DHRSX: variants seen among roughly 807,000 people sequenced by gnomAD.
DHRSX encodes polyprenol dehydrogenase.
DHRSX carries 31 observed loss-of-function variants against 34.0 expected under a neutral mutation model. The observed-to-expected ratio is 0.91, with a 90% CI of 0.69 to 1.23. The LOEUF (loss-of-function observed/expected upper bound fraction) is 1.23. Ranked by LOEUF, DHRSX falls within the 50% of genes most tolerant of loss-of-function variation. The pLI is 0.00. For missense variants in DHRSX, 414 were observed against 428.1 expected (o/e 0.97, Z 0.29); for synonymous variants, 201 against 183.8 (o/e 1.09, Z -0.76).
In DHRSX at chrX:2,220,040, G is replaced by C. The variant is rs1569475269; in HGVS notation, c.*1001C>G. Reference sequence around the variant, plus strand: ...CCAATTTGTTGGAGCCTTAAAACAAGAAAGATTTATTCTCTCTCCGTTCTG... The same window carrying C: ...CCAATTTGTTGGAGCCTTAAAACAACAAAGATTTATTCTCTCTCCGTTCTG... On this transcript the variant is annotated 3_prime_UTR_variant, in exon 7 of 7. Coordinates refer to ENST00000334651, the MANE Select transcript of DHRSX (RefSeq NM_145177.3). 1 of 152,120 alleles carries C rather than the reference G, an allele frequency of 6.6e-6. No individual in the cohort carries two copies. The highest frequency in any genetic ancestry group is 1.5e-5 in the Non-Finnish European group (1 of 68,028). The allele number at this position is 152,120 out of a possible 1,614,324, so 9.4% of individuals were successfully genotyped here.
chrX:2,358,589 G>C (rs1440801838), intron 3 of DHRSX, among the ~76,000 whole-genome samples: 3 of 151,998 alleles, frequency 2.0e-5, no homozygotes, highest in African/African-American at 7.2e-5. Flanking sequence ...CTTGATATGT[G>C]GGAGGCATAT....
intron 3 of DHRSX, among the ~76,000 whole-genome samples, chrX:2,355,446 A>AGGTTG (rs891802042): frequency 2.3e-4 from 32 of 141,146 alleles, no homozygotes; most frequent in Non-Finnish European, 4.7e-4. Context: ...TGGGACGCAA[A>AGGTTG]GGTTGCAGTG....
chrX:2,294,183 GAA>G (rs1258093153), intron 3 of DHRSX, among the ~76,000 whole-genome samples: 1 of 151,964 alleles, frequency 6.6e-6, no homozygotes, highest in African/African-American at 2.4e-5. Flanking sequence ...GTGAGAGAGA[GAA>G]ACAGAAAGAG....
chrX:2,357,652 G>A (rs1313374927), intron 3 of DHRSX, among the ~76,000 whole-genome samples: 4 of 148,096 alleles, frequency 2.7e-5, no homozygotes, highest in East Asian at 4.0e-4. Context: ...CCCTAGACCC[G>A]ATATGGGAAA....
At chrX:2,452,371 G>T (rs907356261) in intron 1 of DHRSX, among the ~76,000 whole-genome samples, 1 of 149,976 alleles carries the variant, frequency 6.7e-6, no homozygotes, top group Non-Finnish European at 1.5e-5. Context: ...TCAAGGGACC[G>T]CACTGAAGAT....
At chrX:2,265,119 C>T (rs1359600006) in intron 5 of DHRSX, among the ~76,000 whole-genome samples, 22 of 124,340 alleles carry the variant, frequency 1.8e-4, no homozygotes, top group East Asian at 5.2e-4. Flanking sequence ...AGCACCAGTG[C>T]TCAGCAGACG....
Position 2,333,443 on chromosome X carries a change from G to T in DHRSX, c.287-41840C>A, listed in dbSNP as rs578168456. On this transcript the variant is annotated intron_variant, in intron 3 of 6. Transcript: ENST00000334651. ...ATCTGATATGCAGTAGAGACAGAGT[G>T]CCACTCTGCCGCCCAGGCTTGAGTG... is the stretch of plus-strand genomic sequence containing the variant. Among the ~76,000 whole-genome samples, 8 of 152,208 alleles carry T rather than the reference G, an allele frequency of 5.3e-5. No homozygotes were observed. In the South Asian group the frequency reaches 8.3e-4, roughly 16 times the overall value.
intron 3 of DHRSX, among the ~76,000 whole-genome samples, chrX:2,394,666 G>C (rs1226531691): frequency 6.6e-6 from 1 of 152,170 alleles, no homozygotes; most frequent in Non-Finnish European, 1.5e-5. Flanking sequence ...AAGAGATCGA[G>C]ACCGTCCTGG....
intron 3 of DHRSX, among the ~76,000 whole-genome samples, chrX:2,368,540 G>C (rs1201145058): frequency 6.6e-6 from 1 of 151,950 alleles, no homozygotes; most frequent in Non-Finnish European, 1.5e-5. Flanking sequence ...AAATGCTTAC[G>C]GGTATTTACT....
At chrX:2,342,675 G>A (rs1288059746) in intron 3 of DHRSX, among the ~76,000 whole-genome samples, 1 of 152,172 alleles carries the variant, frequency 6.6e-6, no homozygotes, top group Non-Finnish European at 1.5e-5. Flanking sequence ...GTCACTGACA[G>A]ACTCTCTTCC....
chrX:2,448,804 G>T (rs1488647193), intron 1 of DHRSX, among the ~76,000 whole-genome samples: 1 of 152,124 alleles, frequency 6.6e-6, no homozygotes, highest in Non-Finnish European at 1.5e-5. Flanking sequence ...ATATTTAATG[G>T]TGTCTCTTCT....
At chrX:2,343,355 G>T (rs1168621010) in intron 3 of DHRSX, among the ~76,000 whole-genome samples, 3 of 152,164 alleles carry the variant, frequency 2.0e-5, no homozygotes, top group African/African-American at 7.2e-5. Context: ...TACAGTGAGT[G>T]TGTAGAGCAC....
intron 3 of DHRSX, among the ~76,000 whole-genome samples, chrX:2,306,900 A>G (rs1466789620): frequency 6.8e-6 from 1 of 147,874 alleles, no homozygotes; most frequent in Non-Finnish European, 1.5e-5. Context: ...GGTCGAATTC[A>G]GCTGTGAATT....
chrX:2,223,489 G>C (rs1255002820), intron 6 of DHRSX, among the ~76,000 whole-genome samples: 4 of 152,064 alleles, frequency 2.6e-5, no homozygotes, highest in Admixed American at 6.6e-5. Context: ...AACATCTCGG[G>C]GGCGGATGCA....
At chrX:2,265,448 C>A (rs1406011418) in intron 5 of DHRSX, among the ~76,000 whole-genome samples, 2 of 110,550 alleles carry the variant, frequency 1.8e-5, no homozygotes, top group Non-Finnish European at 3.7e-5. Context: ...GTCCAGCAGA[C>A]GCAGGGAGCA....
At chrX:2,397,102 C>T (rs2043421507) in intron 3 of DHRSX, among the ~76,000 whole-genome samples, 2 of 152,072 alleles carry the variant, frequency 1.3e-5, no homozygotes, top group South Asian at 2.1e-4. Context: ...CAGGCTCAAA[C>T]GATCCTCCTG....
At chrX:2,226,892 AAAG>A (rs1298393279) in intron 6 of DHRSX, among the ~76,000 whole-genome samples, 1 of 152,132 alleles carries the variant, frequency 6.6e-6, no homozygotes, top group East Asian at 1.9e-4. Context: ...GGAAAACAGC[AAAG>A]CAACTCATCG....
At chrX:2,452,432 A>T (rs755564112) in intron 1 of DHRSX, among the ~76,000 whole-genome samples, 15 of 150,322 alleles carry the variant, frequency 1.0e-4, no homozygotes, top group Non-Finnish European at 1.8e-4. Flanking sequence ...CATTGAAGAC[A>T]TTCCCTACGA....
At chrX:2,417,051 A>C (rs1322543924) in intron 2 of DHRSX, among the ~76,000 whole-genome samples, 2 of 152,226 alleles carry the variant, frequency 1.3e-5, no homozygotes, top group Non-Finnish European at 2.9e-5. Flanking sequence ...ATAAGACTGC[A>C]TAATTGATTG....
Sources: gnomAD v4.1 joint callset for allele counts (sites outside exome capture counted in the v4.1 genomes callset) on GRCh38, gnomAD v4.1.1 for gene constraint, MANE v1.5 for transcripts, NCBI Gene and HGNC (gene_info 2026-07-23, HGNC 2026-07-21) for gene names.